Variants in STPG2 observed in about 807,000 individuals in gnomAD.
STPG2 encodes sperm tail PG-rich repeat containing 2.
A neutral mutation model predicts 54.2 loss-of-function variants in STPG2; 56 were observed. The observed-to-expected ratio is 1.03, with a 90% CI of 0.83 to 1.29. The LOEUF (loss-of-function observed/expected upper bound fraction) is 1.29. Among genes scored for constraint, STPG2 ranks in the 50% most tolerant of loss-of-function variants. The pLI is 0.00. For missense variants in STPG2, 596 were observed against 544.9 expected, an observed-to-expected ratio of 1.09 and a Z score of -0.93; for synonymous variants, 200 against 181.8, an observed-to-expected ratio of 1.10 and a Z score of -0.81.
intron 5 of STPG2, among the ~76,000 whole-genome samples, chr4:98,100,763 C>T (rs1346690199): frequency 6.7e-6 from 1 of 150,218 alleles, no homozygotes; most frequent in Non-Finnish European, 1.5e-5. Flanking sequence ...GCAACCTCTG[C>T]CTCCCAGGTT....
intron 9 of STPG2, among the ~76,000 whole-genome samples, chr4:97,811,774 C>T (rs1012807854): frequency 1.3e-5 from 2 of 152,074 alleles, no homozygotes; most frequent in Non-Finnish European, 2.9e-5. Flanking sequence ...GACAGTATCT[C>T]TTGGAGTTCC....
At chr4:97,699,719 T>C (rs1485598158) in intron 10 of STPG2, among the ~76,000 whole-genome samples, 1 of 152,192 alleles carries the variant, frequency 6.6e-6, no homozygotes, top group Non-Finnish European at 1.5e-5. Context: ...TGCCTGCTTA[T>C]GATGCACAAC....
chr4:97,790,761 T>C (rs1726965772), intron 9 of STPG2, among the ~76,000 whole-genome samples: 1 of 152,210 alleles, frequency 6.6e-6, no homozygotes, highest in African/African-American at 2.4e-5. Context: ...TCAGTGTCCA[T>C]GTGATTAGAT....
intron 4 of STPG2, among the ~76,000 whole-genome samples, chr4:97,451,152 A>G (rs1358488991): frequency 6.6e-6 from 1 of 152,156 alleles, no homozygotes; most frequent in Non-Finnish European, 1.5e-5. Context: ...TCAAATTCAT[A>G]GCCAGATATG....
At chr4:97,798,485 G>A (rs1727278011) in intron 9 of STPG2, among the ~76,000 whole-genome samples, 1 of 152,156 alleles carries the variant, frequency 6.6e-6, no homozygotes, top group Non-Finnish European at 1.5e-5. Context: ...CTATGCAGTT[G>A]AGCGGTTTTC....
At chr4:97,959,724 A>C (rs1053808874) in intron 7 of STPG2, among the ~76,000 whole-genome samples, 5 of 152,098 alleles carry the variant, frequency 3.3e-5, no homozygotes, top group Non-Finnish European at 5.9e-5. Context: ...AGAAAAAAAA[A>C]AGTCCAGGAC....
intron 7 of STPG2, among the ~76,000 whole-genome samples, chr4:97,962,685 G>C (rs1733934249): frequency 6.6e-6 from 1 of 152,094 alleles, no homozygotes; most frequent in African/African-American, 2.4e-5. Flanking sequence ...GATTCACTTA[G>C]TATTGCAACA....
intron 10 of STPG2, among the ~76,000 whole-genome samples, chr4:97,623,146 T>C (rs1054174086): frequency 1.3e-5 from 2 of 151,980 alleles, no homozygotes; most frequent in African/African-American, 4.8e-5. Context: ...AAGTAAAGCC[T>C]AAAACTATAA....
chr4:97,831,812 T>C (rs905813954), intron 9 of STPG2, among the ~76,000 whole-genome samples: 4 of 152,158 alleles, frequency 2.6e-5, no homozygotes, highest in Non-Finnish European at 5.9e-5. Flanking sequence ...TTTCCAAGTC[T>C]AAACCAGGAA....
At chr4:97,838,700 T>G (rs1156383499) in intron 9 of STPG2, among the ~76,000 whole-genome samples, 1 of 151,508 alleles carries the variant, frequency 6.6e-6, no homozygotes, top group Non-Finnish European at 1.5e-5. Context: ...CCTGGGCACC[T>G]ACTAAATCTA....
At chr4:97,540,491 C>G (rs1731668498) in intron 4 of STPG2, among the ~76,000 whole-genome samples, 1 of 152,056 alleles carries the variant, frequency 6.6e-6, no homozygotes, top group African/African-American at 2.4e-5. Flanking sequence ...TAATAGCTTA[C>G]CAACCAAAAA....
rs1732705500 is a variant in STPG2 at position 97,935,237 on chromosome 4, TTC to T, written c.1044+8658_1044+8659del. Among the ~76,000 whole-genome samples the T allele has an allele frequency of 1.3e-5, 2 of 152,336 alleles. 1 individual carries two copies. Among genetic ancestry groups the T allele is most frequent in the Admixed American group, 1.3e-4 (2 of 15,304 alleles). On this transcript the variant is annotated intron_variant, in intron 8 of 10. Coordinates refer to ENST00000295268, the MANE Select transcript of STPG2 (RefSeq NM_174952.3). The stretch of plus-strand genomic sequence containing the variant: ...ACTTTTTATTGTGTCCACTTGATTC[TTC>T]TCTTTTTTCCTCTTTATTATGCTAG...
At chr4:97,770,887 T>C (rs1487154862) in intron 9 of STPG2, among the ~76,000 whole-genome samples, 1 of 152,130 alleles carries the variant, frequency 6.6e-6, no homozygotes, top group Non-Finnish European at 1.5e-5. Context: ...AGAAGCTCTT[T>C]TTTCTTTTTG....
chr4:98,127,034 A>C (rs926593734), intron 3 of STPG2, among the ~76,000 whole-genome samples: 2 of 151,954 alleles, frequency 1.3e-5, no homozygotes, highest in African/African-American at 4.8e-5. Flanking sequence ...AGTAAGCAAA[A>C]AACCAAGCAA....
At chr4:97,850,438 G>C (rs1729120675) in intron 8 of STPG2, among the ~76,000 whole-genome samples, 1 of 150,488 alleles carries the variant, frequency 6.6e-6, no homozygotes, top group South Asian at 2.1e-4. Context: ...TATTTCCAGA[G>C]GTTGAAGTAA....
At chr4:97,941,205 G>GA in intron 8 of STPG2, among the ~76,000 whole-genome samples, 1 of 151,888 alleles carries the variant, frequency 6.6e-6, no homozygotes, top group Middle Eastern at 3.4e-3. Flanking sequence ...CCCTTTGTGG[G>GA]TTACCCAGCG....
intron 9 of STPG2, among the ~76,000 whole-genome samples, chr4:97,718,634 G>A (rs1311785466): frequency 5.3e-5 from 8 of 151,736 alleles, no homozygotes; most frequent in Admixed American, 2.6e-4. Context: ...TACATTCATT[G>A]GATATTAAAA....
chr4:97,459,694 G>T (rs1469639507), intron 4 of STPG2, among the ~76,000 whole-genome samples: 2 of 152,050 alleles, frequency 1.3e-5, no homozygotes, highest in African/African-American at 4.8e-5. Flanking sequence ...GCCTGCCTCG[G>T]CCTCCCAAAG....
In STPG2 at chr4:98,105,995, G is replaced by C. The variant is rs1211680942; in HGVS notation, c.570C>G (p.Ile190Met). Reference protein sequence around the residue: ...RDQQQNYCSFIPRLYEIIVLQ... With the variant: ...RDQQQNYCSFMPRLYEIIVLQ... The stretch of plus-strand genomic sequence containing the variant: ...ATACTATTATTTCATATAGTCGTGG[G>C]ATAAATGAACAATAATTTTGTTGTT... The change falls in exon 5 of 11, where the codon ATC becomes ATG. Residue 190 changes from isoleucine to methionine, a missense_variant. Coordinates refer to ENST00000295268, the MANE Select transcript of STPG2 (RefSeq NM_174952.3). 4.5e-6 allele frequency: 7 copies of C among 1,558,112 alleles called. No homozygotes were observed. The highest frequency in any genetic ancestry group is 6.2e-6 in the Non-Finnish European group (7 of 1,137,412).
Sources: gnomAD v4.1 joint callset for allele counts (sites outside exome capture counted in the v4.1 genomes callset) on GRCh38, gnomAD v4.1.1 for gene constraint, MANE v1.5 for transcripts, NCBI Gene and HGNC (gene_info 2026-07-23, HGNC 2026-07-21) for gene names.